Variants in RASAL2 observed in about 807,000 individuals in gnomAD.
RASAL2 encodes RAS protein activator like 2.
A neutral mutation model predicts 128.9 loss-of-function variants in RASAL2; 58 were observed. That is an observed-to-expected ratio of 0.45 (90% CI 0.36 to 0.56). The LOEUF (loss-of-function observed/expected upper bound fraction) is 0.56. Among genes scored for constraint, RASAL2 ranks in the 20% least tolerant of loss-of-function variants. RASAL2 has a pLI of 0.00. For synonymous variants in RASAL2, 561 were observed against 580.8 expected, an observed-to-expected ratio of 0.97 and a Z score of 0.49; for missense variants, 1,360 against 1,601.6, an observed-to-expected ratio of 0.85 and a Z score of 2.57.
intron 3 of RASAL2, among the ~76,000 whole-genome samples, chr1:178,344,727 G>A (rs1186213038): frequency 2.0e-5 from 3 of 152,158 alleles, no homozygotes; most frequent in Admixed American, 6.5e-5. Context: ...AAGGTTCACC[G>A]GATTCTTATA....
chr1:178,318,167 A>G (rs1668576861), intron 3 of RASAL2, among the ~76,000 whole-genome samples: 1 of 151,952 alleles, frequency 6.6e-6, no homozygotes. Flanking sequence ...ACAGTTTGTT[A>G]TAATTTCTGT....
chr1:178,420,338 C>G (rs1675062016), intron 4 of RASAL2, among the ~76,000 whole-genome samples, 173 bp from the exon 5 acceptor site: 1 of 152,174 alleles, frequency 6.6e-6, no homozygotes, highest in Non-Finnish European at 1.5e-5. Flanking sequence ...ATTTTCTCAT[C>G]ACATTGCCAG....
At chr1:178,237,697 C>A (rs1052332325) in intron 1 of RASAL2, among the ~76,000 whole-genome samples, 9 of 152,160 alleles carry the variant, frequency 5.9e-5, no homozygotes, top group African/African-American at 1.9e-4. Context: ...ACACACAATT[C>A]AATTACTTTT....
intron 1 of RASAL2, among the ~76,000 whole-genome samples, chr1:178,280,867 A>G (rs1057340012): frequency 1.3e-5 from 2 of 152,062 alleles, no homozygotes; most frequent in Non-Finnish European, 2.9e-5. Flanking sequence ...TCACTAGAGC[A>G]AAAAATAAGA....
In RASAL2 at chr1:178,296,384, G is replaced by A. The variant is rs376178186; in HGVS notation, c.331-3608G>A. Among the ~76,000 whole-genome samples, 111 of 152,104 alleles carry A rather than the reference G, an allele frequency of 7.3e-4. 1 individual carries two copies. In the South Asian group the frequency reaches 0.023, roughly 31 times the overall value. On this transcript the variant is annotated intron_variant, in intron 2 of 17. Coordinates refer to ENST00000367649, the MANE Select transcript of RASAL2 (RefSeq NM_170692.4). ...TTTGTTTGTTTGTTTTTGAGAGACA[G>A]GGTCTCACTCTGTCACCCAGGCTGG...
chr1:178,357,639 A>G (rs1670881828), intron 3 of RASAL2, among the ~76,000 whole-genome samples: 1 of 152,182 alleles, frequency 6.6e-6, no homozygotes, highest in Admixed American at 6.5e-5. Context: ...AAAACAAAAA[A>G]CATGTGTTGA....
chr1:178,282,279 C>A (rs1034484765), intron 1 of RASAL2, among the ~76,000 whole-genome samples: 1 of 152,040 alleles, frequency 6.6e-6, no homozygotes, highest in East Asian at 1.9e-4. Context: ...GTTTAGATAG[C>A]CTTAGAGAGG....
Position 178,465,901 on chromosome 1 carries a change from C to A in RASAL2, c.3388-19C>A. 6.7e-7 allele frequency: 1 copy of A among 1,488,918 alleles called. No homozygotes were observed. Among genetic ancestry groups the A allele is most frequent in the South Asian group, 1.3e-5 (1 of 76,016 alleles). 92.2% of individuals were successfully genotyped at this position (1,488,918 alleles called of 1,614,324 possible). A position where few individuals can be genotyped will look rare whatever the true frequency, so the allele number is the denominator to read the frequency against. ...GCAATGTGACTCTAGTTTTTGTCTC[C>A]TTGCCTCCTCTGCCCTAGTATGAAC... is the stretch of plus-strand genomic sequence containing the variant. On this transcript the variant is annotated intron_variant, in intron 15 of 17. Coordinates refer to ENST00000367649, the MANE Select transcript of RASAL2 (RefSeq NM_170692.4).
chr1:178,301,844 T>C (rs1490675482), intron 3 of RASAL2, among the ~76,000 whole-genome samples: 1 of 152,308 alleles, frequency 6.6e-6, no homozygotes, highest in East Asian at 1.9e-4. Flanking sequence ...TATTGCAGTG[T>C]TATAGAAGAG....
At chr1:178,148,584 GACTAC>G (rs1467845895) in intron 1 of RASAL2, among the ~76,000 whole-genome samples, 1 of 151,908 alleles carries the variant, frequency 6.6e-6, no homozygotes, top group Non-Finnish European at 1.5e-5. Context: ...AAGCAACTGG[GACTAC>G]AGGTGTGCAC....
chr1:178,414,078 CA>C (rs1379275046), intron 4 of RASAL2, among the ~76,000 whole-genome samples: 1 of 152,154 alleles, frequency 6.6e-6, no homozygotes, highest in Non-Finnish European at 1.5e-5. Flanking sequence ...AGTATGATTC[CA>C]ACCACAGATG....
At chr1:178,390,754 T>C (rs1030753731) in intron 4 of RASAL2, among the ~76,000 whole-genome samples, 4 of 152,208 alleles carry the variant, frequency 2.6e-5, no homozygotes, top group African/African-American at 4.8e-5. Flanking sequence ...TAACAAAATA[T>C]GTAACTACAT....
chr1:178,255,415 A>G (rs1038434451), intron 1 of RASAL2, among the ~76,000 whole-genome samples: 4 of 152,184 alleles, frequency 2.6e-5, no homozygotes, highest in Admixed American at 6.5e-5. Context: ...GTAATATATC[A>G]TAGTATATTT....
At chr1:178,197,570 C>A (rs113508721) in intron 1 of RASAL2, among the ~76,000 whole-genome samples, 5,556 of 148,772 alleles carry the variant, frequency 0.037, 150 homozygotes, top group South Asian at 0.076. Flanking sequence ...GATTGTGCCA[C>A]TGCACCCCAG....
rs879578177 is a variant in RASAL2, at chr1:178,395,793, T to TATATATATATATATATATATATATA, written c.564+5587_564+5588insATATATATATATATATATATATATA. 1.2e-3 allele frequency among the ~76,000 whole-genome samples: 151 copies of TATATATATATATATATATATATATA among 124,380 alleles called. 2 individuals are homozygous for TATATATATATATATATATATATATA. The highest frequency in any genetic ancestry group is 4.7e-3 in the African/African-American group (133 of 28,068). 81.6% of individuals were successfully genotyped at this position (124,380 alleles called of 152,430 possible). ...ACAGTATATATATATATATATATAT[T>TATATATATATATATATATATATATA]TATTTATTCATATGTGTATGAATGT... On this transcript the variant is annotated intron_variant, in intron 4 of 17. Coordinates refer to ENST00000367649, the MANE Select transcript of RASAL2 (RefSeq NM_170692.4).
intron 10 of RASAL2, 40 bp from the exon 11 acceptor site, chr1:178,452,376 T>G (rs1363596904): frequency 1.3e-6 from 2 of 1,546,064 alleles, no homozygotes; most frequent in African/African-American, 2.7e-5. Context: ...GTACTGGTAC[T>G]TCTGTGTTTA....
intron 4 of RASAL2, among the ~76,000 whole-genome samples, chr1:178,399,525 C>G (rs1673478907): frequency 1.3e-5 from 2 of 152,154 alleles, no homozygotes; most frequent in African/African-American, 4.8e-5. Flanking sequence ...ATGGTGGAAC[C>G]TGGTAGCCAG....
intron 1 of RASAL2, among the ~76,000 whole-genome samples, chr1:178,100,765 C>CTT (rs1257513027): frequency 1.3e-5 from 2 of 152,152 alleles, no homozygotes; most frequent in Non-Finnish European, 1.5e-5. Flanking sequence ...TTCAGTAGCA[C>CTT]AAAGTGATTT....
chr1:178,351,126 A>G (rs1670452384), intron 3 of RASAL2, among the ~76,000 whole-genome samples: 1 of 152,182 alleles, frequency 6.6e-6, no homozygotes, highest in Non-Finnish European at 1.5e-5. Context: ...CCAAGGTTGC[A>G]TGGTGTTAAA....
Sources: gnomAD v4.1 joint callset for allele counts (sites outside exome capture counted in the v4.1 genomes callset) on GRCh38, gnomAD v4.1.1 for gene constraint, MANE v1.5 for transcripts, NCBI Gene and HGNC (gene_info 2026-07-23, HGNC 2026-07-21) for gene names.